ADK: variants seen among roughly 807,000 people sequenced by gnomAD.
ADK encodes the protein adenosine kinase.
Under a neutral mutation model 44.7 loss-of-function variants are expected in ADK, and 24 were observed. The ratio of observed to expected loss-of-function variants is 0.54; its 90% CI spans 0.39 to 0.76. ADK has a LOEUF of 0.76. ADK is among the 30% of genes least tolerant of loss of function. ADK has a pLI of 0.00. For missense variants in ADK, 321 were observed against 425.1 expected (o/e 0.76, Z 2.15); for synonymous variants, 128 against 142.6 (o/e 0.90, Z 0.73).
At chr10:74,457,300 T>C (rs1845989830) in intron 6 of ADK, among the ~76,000 whole-genome samples, 1 of 152,160 alleles carries the variant, frequency 6.6e-6, no homozygotes, top group South Asian at 2.1e-4. Flanking sequence ...AATCCCTGAA[T>C]AGACCAATAA....
intron 1 of ADK, among the ~76,000 whole-genome samples, chr10:74,192,211 T>C (rs1276555009): frequency 6.6e-6 from 1 of 152,066 alleles, no homozygotes; most frequent in African/African-American, 2.4e-5. Flanking sequence ...TTTTACCATT[T>C]TTTTTTCTTT....
chr10:74,452,581 A>AT (rs922381316), intron 6 of ADK, among the ~76,000 whole-genome samples: 25 of 151,918 alleles, frequency 1.6e-4, no homozygotes, highest in African/African-American at 5.8e-4. Flanking sequence ...TATTCAGGTG[A>AT]TTTTTTCCCT....
intron 6 of ADK, among the ~76,000 whole-genome samples, chr10:74,419,953 T>G (rs570902893): frequency 6.6e-6 from 1 of 152,294 alleles, no homozygotes; most frequent in African/African-American, 2.4e-5. Context: ...TATCCCCAAA[T>G]TACTTACTTA....
In ADK at chr10:74,600,492, A is replaced by AGG; in HGVS notation, c.877_877+1dup. 1 of 1,599,534 alleles carries AGG rather than the reference A, an allele frequency of 6.3e-7. No individual in the cohort carries two copies. The highest frequency in any genetic ancestry group is 8.6e-7 in the Non-Finnish European group (1 of 1,168,694). On this transcript the variant is annotated frameshift_variant and splice_region_variant, in exon 9 of 11. Coordinates refer to ENST00000539909, the MANE Select transcript of ADK (RefSeq NM_006721.4). LOFTEE classifies it high-confidence loss of function. ...GGAGAGATGACACTATAATGGCTAC[A>AGG]GGTACATGTGGGAAATGTGTGATGA...
chr10:74,283,294 G>A (rs538751995), intron 3 of ADK, among the ~76,000 whole-genome samples: 18 of 151,148 alleles, frequency 1.2e-4, no homozygotes, highest in Admixed American at 1.1e-3. Context: ...TCCTACCCAG[G>A]ACTGCTTTAA....
chr10:74,631,278 AT>A (rs11313781), intron 9 of ADK, among the ~76,000 whole-genome samples: 38,820 of 144,400 alleles, frequency 0.27, 6,417 homozygotes, highest in East Asian at 0.68. Context: ...TGATTTATTT[AT>A]TTTTTTTTTT....
intron 4 of ADK, among the ~76,000 whole-genome samples, chr10:74,353,129 G>A (rs1254184061): frequency 1.3e-5 from 2 of 152,112 alleles, no homozygotes. Context: ...GTTTATTGTA[G>A]CGCTATTTAC....
chr10:74,627,059 C>G (rs1420222633), intron 9 of ADK, among the ~76,000 whole-genome samples: 1 of 152,068 alleles, frequency 6.6e-6, no homozygotes, highest in Non-Finnish European at 1.5e-5. Flanking sequence ...ATCAAATAAA[C>G]AGTATTTTTG....
chr10:74,642,668 G>A (rs1853907727), intron 9 of ADK, among the ~76,000 whole-genome samples: 1 of 151,692 alleles, frequency 6.6e-6, no homozygotes, highest in Admixed American at 6.6e-5. Flanking sequence ...TAACAATTTA[G>A]TGATTACTTC....
chr10:74,389,228 A>G (rs1409408004), intron 4 of ADK, among the ~76,000 whole-genome samples: 2 of 152,228 alleles, frequency 1.3e-5, no homozygotes, highest in African/African-American at 2.4e-5. Context: ...AGCTAAAAGA[A>G]GGAGCATAAT....
intron 3 of ADK, among the ~76,000 whole-genome samples, chr10:74,259,692 C>G (rs1161863334): frequency 6.6e-6 from 1 of 151,458 alleles, no homozygotes; most frequent in Non-Finnish European, 1.5e-5. Context: ...CTCCTGACCT[C>G]GTGATCCGTC....
chr10:74,243,651 C>A (rs956718192), intron 3 of ADK, among the ~76,000 whole-genome samples: 1 of 152,060 alleles, frequency 6.6e-6, no homozygotes, highest in Non-Finnish European at 1.5e-5. Context: ...GAGGTTGAGG[C>A]CAGGAGTTCG....
intron 1 of ADK, among the ~76,000 whole-genome samples, chr10:74,179,486 C>T (rs1367357493): frequency 1.3e-5 from 2 of 152,082 alleles, no homozygotes; most frequent in African/African-American, 2.4e-5. Flanking sequence ...AAAAACTCAC[C>T]AAAACCAAGA....
chr10:74,415,116 G>A (rs544042544), intron 6 of ADK, among the ~76,000 whole-genome samples: 1 of 152,276 alleles, frequency 6.6e-6, no homozygotes, highest in Non-Finnish European at 1.5e-5. Flanking sequence ...ACAAAGTCTG[G>A]GAATTTTATG....
intron 3 of ADK, among the ~76,000 whole-genome samples, chr10:74,275,546 T>C (rs571520596): frequency 1.3e-5 from 2 of 152,334 alleles, no homozygotes; most frequent in South Asian, 4.1e-4. Context: ...AAAATCACTC[T>C]TATTAAACTC....
At chr10:74,611,178 C>A (rs541179218) in intron 9 of ADK, among the ~76,000 whole-genome samples, 1 of 140,504 alleles carries the variant, frequency 7.1e-6, no homozygotes, top group East Asian at 1.9e-4. Context: ...TGCCTACCAC[C>A]CTGCCCAGCT....
chr10:74,216,002 C>G (rs183491156), intron 2 of ADK, among the ~76,000 whole-genome samples: 4 of 152,042 alleles, frequency 2.6e-5, no homozygotes, highest in Non-Finnish European at 5.9e-5. Context: ...TGATTTGATA[C>G]CCCTTTTATT....
At chr10:74,592,874 C>A (rs1223144933) in intron 8 of ADK, among the ~76,000 whole-genome samples, 1 of 152,158 alleles carries the variant, frequency 6.6e-6, no homozygotes, top group East Asian at 1.9e-4. Flanking sequence ...TGGCTAAGAT[C>A]AAATGTAAAA....
At chr10:74,470,166 AG>A (rs1045253835) in intron 6 of ADK, among the ~76,000 whole-genome samples, 24 of 152,014 alleles carry the variant, frequency 1.6e-4, no homozygotes, top group African/African-American at 5.8e-4. Context: ...CTGGGACTAC[AG>A]GTGCGCGCAA....
Sources: allele counts gnomAD v4.1 joint callset (sites outside exome capture counted in the v4.1 genomes callset), GRCh38; gene constraint gnomAD v4.1.1; transcripts MANE v1.5; gene names NCBI Gene and HGNC (gene_info 2026-07-23, HGNC 2026-07-21).